The following COMMD8 variants were observed in gnomAD, a reference collection of about 807,000 sequenced individuals.
COMMD8 encodes the protein COMM domain containing 8.
A neutral mutation model predicts 27.2 loss-of-function variants in COMMD8; 28 were observed. The ratio of observed to expected loss-of-function variants is 1.03; its 90% CI spans 0.76 to 1.41. The LOEUF is 1.41. Among genes scored for constraint, COMMD8 ranks in the 40% most tolerant of loss-of-function variants. The probability of loss-of-function intolerance (pLI) is 0.00; values close to 1 mark genes in which losing one functional copy is unlikely to be tolerated. For missense variants in COMMD8, 217 were observed against 211.2 expected (o/e 1.03, Z -0.17); for synonymous variants, 79 against 75.5 (o/e 1.05, Z -0.24).
intron 2 of COMMD8, among the ~76,000 whole-genome samples, chr4:47,457,238 A>G (rs1475606770): frequency 6.6e-6 from 1 of 152,226 alleles, no homozygotes; most frequent in African/African-American, 2.4e-5. Context: ...GCCCTTAGGC[A>G]AGAAGCATTA....
intron 3 of COMMD8, among the ~76,000 whole-genome samples, chr4:47,456,091 A>G (rs554415723): frequency 6.6e-6 from 1 of 151,936 alleles, no homozygotes; most frequent in South Asian, 2.1e-4. Context: ...CACCAAAGAT[A>G]CAAAAATTAG....
intron 3 of COMMD8, among the ~76,000 whole-genome samples, chr4:47,454,819 G>C (rs550114015): frequency 7.3e-6 from 1 of 137,250 alleles, no homozygotes; most frequent in East Asian, 2.3e-4. Context: ...AGCAGAGATC[G>C]TGCCATTGCA....
chr4:47,463,177 G>C (rs913128968), intron 1 of COMMD8, among the ~76,000 whole-genome samples: 1 of 151,962 alleles, frequency 6.6e-6, no homozygotes, highest in Middle Eastern at 3.4e-3. Context: ...CACCCTCAAG[G>C]GGGGAGGCAG....
Position 47,451,514 on chromosome 4 carries a change from T to C in COMMD8, c.*131A>G, listed in dbSNP as rs76556570. 5,413 of 689,990 alleles carry C rather than the reference T, an allele frequency of 7.8e-3. 248 individuals carry two copies. The African/African-American group carries it at 0.092, about 12-fold the overall frequency. The allele number at this position is 689,990 out of a possible 1,614,324, so 42.7% of individuals were successfully genotyped here. ...TGTTGATAAATTTTTATCTTTATAATATCAATATTGCTGCTTTCTCAGCCT... is the reference window on the plus strand; with the variant it reads ...TGTTGATAAATTTTTATCTTTATAACATCAATATTGCTGCTTTCTCAGCCT... On this transcript the variant is annotated 3_prime_UTR_variant, in exon 5 of 5. Transcript: ENST00000381571.
At chr4:47,456,235 C>T (rs1304127328) in intron 3 of COMMD8, among the ~76,000 whole-genome samples, 3 of 142,744 alleles carry the variant, frequency 2.1e-5, no homozygotes, top group African/African-American at 5.1e-5. Context: ...TGACAGAGCA[C>T]GACTCTTGTC....
In COMMD8 at chr4:47,451,528, C is replaced by A. The variant is rs1729752432; in HGVS notation, c.*117G>T. The A allele has an allele frequency of 2.7e-5, 21 of 768,898 alleles. No homozygotes were observed. The South Asian group carries it at 3.0e-4, about 11-fold the overall frequency. 47.6% of individuals were successfully genotyped at this position (768,898 alleles called of 1,614,324 possible). ...TATCTTTATAATATCAATATTGCTG[C>A]TTTCTCAGCCTGGTGCAACAGTCAA... is the stretch of plus-strand genomic sequence containing the variant. On this transcript the variant is annotated 3_prime_UTR_variant, in exon 5 of 5. Transcript: ENST00000381571.
At chr4:47,461,551 T>C (rs1375150170) in intron 1 of COMMD8, among the ~76,000 whole-genome samples, 1 of 151,736 alleles carries the variant, frequency 6.6e-6, no homozygotes, top group African/African-American at 2.4e-5. Flanking sequence ...AACTGAAAAA[T>C]AAAAGCATTA....
chr4:47,456,267 CATATATATATATATATATATATATAT>C (rs34279197), intron 3 of COMMD8, among the ~76,000 whole-genome samples: 1 of 119,018 alleles, frequency 8.4e-6, no homozygotes, highest in East Asian at 2.9e-4. Flanking sequence ...ATAAATTATA[CATATATATATATATATATATATATAT>C]ATATATATGT....
At chr4:47,455,189 T>C (rs1038909376) in intron 3 of COMMD8, among the ~76,000 whole-genome samples, 2 of 152,098 alleles carry the variant, frequency 1.3e-5, no homozygotes, top group Non-Finnish European at 2.9e-5. Context: ...AATATTCATA[T>C]TTTTTCAGTA....
intron 1 of COMMD8, among the ~76,000 whole-genome samples, chr4:47,461,301 GA>G (rs1394548036): frequency 6.6e-6 from 1 of 152,134 alleles, no homozygotes; most frequent in Admixed American, 6.5e-5. Context: ...CTTACAAGAG[GA>G]GTATTTGAAC....
At chr4:47,462,453 G>A (rs28493220) in intron 1 of COMMD8, among the ~76,000 whole-genome samples, 4,056 of 152,192 alleles carry the variant, frequency 0.027, 203 homozygotes, top group African/African-American at 0.093. Context: ...TGAGGCAAGG[G>A]CATACTGAAT....
chr4:47,461,545 G>C (rs1328528102), intron 1 of COMMD8, among the ~76,000 whole-genome samples: 1 of 151,262 alleles, frequency 6.6e-6, no homozygotes, highest in Non-Finnish European at 1.5e-5. Flanking sequence ...AACTCAAACT[G>C]AAAAATAAAA....
In COMMD8 at chr4:47,451,656, G is replaced by A; in HGVS notation, c.541C>T (p.Gln181Ter). 1 of 1,582,544 alleles carries A rather than the reference G, an allele frequency of 6.3e-7. No individual in the cohort carries two copies. The highest frequency in any genetic ancestry group is 8.6e-7 in the Non-Finnish European group (1 of 1,168,062). Residue 181 changes from glutamine (Q) to a stop codon, truncating the protein, a stop_gained, in exon 5 of 5, where the codon CAG becomes TAG. Transcript: ENST00000381571. LOFTEE classifies it high-confidence loss of function. Reference sequence around the variant, plus strand: ...TTCATCATTTCCAGTTATTTCAACTGCAGGACCACCTTAAAACACAAATTG... The same window carrying A: ...TTCATCATTTCCAGTTATTTCAACTACAGGACCACCTTAAAACACAAATTG... ...SLEAANKVVL[Q>*]LK
chr4:47,451,636 C>T lies in COMMD8; in HGVS notation c.*9G>A. Reference sequence around the variant, plus strand: ...AAAATCTGATAGGACTGGTATTCATCATTTCCAGTTATTTCAACTGCAGGA... The same window carrying T: ...AAAATCTGATAGGACTGGTATTCATTATTTCCAGTTATTTCAACTGCAGGA... On this transcript the variant is annotated 3_prime_UTR_variant, in exon 5 of 5. Coordinates refer to ENST00000381571, the MANE Select transcript of COMMD8 (RefSeq NM_017845.5). 1 of 1,585,714 alleles carries T rather than the reference C, an allele frequency of 6.3e-7. No homozygotes were observed. Among genetic ancestry groups the T allele is most frequent in the Non-Finnish European group, 8.6e-7 (1 of 1,166,868 alleles).
rs1270574564 is a variant in COMMD8, at chr4:47,463,590, G to T, written c.62C>A (p.Pro21Gln). Residue 21 changes from proline (P) to glutamine (Q), a missense_variant, in exon 1 of 5, where the codon CCG becomes CAG. Coordinates refer to ENST00000381571, the MANE Select transcript of COMMD8 (RefSeq NM_017845.5). ...RLQKLPAELG[P>Q]QLLHKIIDGI... is the part of the protein sequence containing the mutation. ...TCCCCCGGTACCCGCCCTCACCTGC[G>T]GGCCCAGCTCGGCCGGCAGCTTCTG... 2 of 1,545,344 alleles carry T rather than the reference G, an allele frequency of 1.3e-6. No homozygotes were observed. The highest frequency in any genetic ancestry group is 2.0e-5 in the Admixed American group (1 of 50,882).
At chr4:47,453,550 C>A (rs917789256) in intron 3 of COMMD8, among the ~76,000 whole-genome samples, 1 of 151,976 alleles carries the variant, frequency 6.6e-6, no homozygotes, top group Non-Finnish European at 1.5e-5. Flanking sequence ...ACTGAAGGCA[C>A]CAAGAAGATG....
intron 3 of COMMD8, among the ~76,000 whole-genome samples, chr4:47,454,938 A>T (rs1196117532): frequency 1.3e-5 from 2 of 152,060 alleles, no homozygotes; most frequent in Admixed American, 1.3e-4. Flanking sequence ...ACACGAATGA[A>T]GCTATACTTT....
chr4:47,454,557 C>T (rs1046629312), intron 3 of COMMD8, among the ~76,000 whole-genome samples: 1 of 152,122 alleles, frequency 6.6e-6, no homozygotes, highest in Non-Finnish European at 1.5e-5. Context: ...GTACTAGCAC[C>T]ATCTCTTGCT....
rs141314476 is a variant in COMMD8 at position 47,460,292 on chromosome 4, T to G, written c.74A>C (p.His25Pro). The change falls in exon 2 of 5, where the codon CAC becomes CCC. Residue 25 changes from histidine to proline, a missense_variant. Coordinates refer to ENST00000381571, the MANE Select transcript of COMMD8 (RefSeq NM_017845.5). ...LPAELGPQLL[H>P]KIIDGICGRA... is the part of the protein sequence containing the mutation. ...ACCACAAATGCCATCAATTATTTTG[T>G]GAAGAAGCTAGCAAGAAAAAAGGAA... The G allele has an allele frequency of 1.4e-4, 222 of 1,609,714 alleles. No homozygotes were observed. In the African/African-American group the frequency reaches 2.7e-3, roughly 19 times the overall value.
Sources: gnomAD v4.1 joint callset for allele counts (sites outside exome capture counted in the v4.1 genomes callset) on GRCh38, gnomAD v4.1.1 for gene constraint, MANE v1.5 for transcripts, NCBI Gene and HGNC (gene_info 2026-07-23, HGNC 2026-07-21) for gene names.